Variants in GNL3L observed in about 807,000 individuals in gnomAD.
GNL3L encodes G protein nucleolar 3 like.
A neutral mutation model predicts 42.9 loss-of-function variants in GNL3L; 4 were observed. The observed-to-expected ratio is 0.09, with a 90% CI of 0.05 to 0.21. The LOEUF (loss-of-function observed/expected upper bound fraction) is 0.21. Among genes scored for constraint, GNL3L ranks in the 10% least tolerant of loss-of-function variants. GNL3L has a pLI of 1.00. For missense variants in GNL3L, 412 were observed against 481.7 expected (o/e 0.86, Z 1.36); for synonymous variants, 159 against 176.3 (o/e 0.90, Z 0.78).
At chrX:54,545,426 G>A (rs1374163641) in intron 8 of GNL3L, among the ~76,000 whole-genome samples, 4 of 108,572 alleles carry the variant, frequency 3.7e-5, no homozygotes, top group African/African-American at 1.3e-4. Context: ...GGCTGGTCTC[G>A]AACTCCTGAC....
At chrX:54,589,272 ATAGT>A (rs1239119868) in intron 16 of GNL3L, among the ~76,000 whole-genome samples, 8 of 111,644 alleles carry the variant, frequency 7.2e-5, no homozygotes, top group Middle Eastern at 9.3e-3. Flanking sequence ...CACCCTATAA[ATAGT>A]TAGATGGAAA....
At chrX:54,577,124 C>G (rs1018619249) in intron 16 of GNL3L, among the ~76,000 whole-genome samples, 1 of 112,104 alleles carries the variant, frequency 8.9e-6, no homozygotes, top group African/African-American at 3.2e-5. Context: ...TTTGACTATT[C>G]TAGGAATCAC....
intron 16 of GNL3L, among the ~76,000 whole-genome samples, chrX:54,588,169 T>G (rs1376653185): frequency 8.9e-6 from 1 of 112,164 alleles, no homozygotes; most frequent in Non-Finnish European, 1.9e-5. Context: ...TGGACAGCTT[T>G]ATGTCTTCCT....
In GNL3L at chrX:54,551,629, C is replaced by T. The variant is rs752005644; in HGVS notation, c.925C>T (p.Pro309Ser). The change falls in exon 11 of 16, where the codon CCA becomes TCA. Residue 309 changes from proline (P) to serine (S), a missense_variant. Pro to Ser is a moderately conservative substitution (Grantham distance 74). Coordinates refer to ENST00000360845, the MANE Select transcript of GNL3L (RefSeq NM_001184819.2). ...GCTCTTGGATGCTCCAGGCATTGTC[C>T]CAGGGCCCAACTCAGAGGTGGGCAC... ...IRLLDAPGIV[P>S]GPNSEVGTIL... 3 of 1,210,140 alleles carry T rather than the reference C, an allele frequency of 2.5e-6. No individual in the cohort carries two copies. Among genetic ancestry groups the T allele is most frequent in the Admixed American group, 2.2e-5 (1 of 46,021 alleles).
chrX:54,570,915 A>G (rs1246396887), downstream of GNL3L, among the ~76,000 whole-genome samples: 3 of 111,326 alleles, frequency 2.7e-5, no homozygotes, highest in Non-Finnish European at 5.7e-5. Context: ...CATAGTTACC[A>G]TTTCTGGTAT....
chrX:54,591,628 G>A (rs1166851988), intron 16 of GNL3L, among the ~76,000 whole-genome samples: 2 of 109,328 alleles, frequency 1.8e-5, no homozygotes, highest in Non-Finnish European at 1.9e-5. Flanking sequence ...CACTGTAGGT[G>A]TGTAGATTTG....
At chrX:54,637,558 T>C in the GNL3L span, among the ~76,000 whole-genome samples, 8,118 of 112,092 alleles carry the variant, frequency 0.072, 740 homozygotes, top group African/African-American at 0.25. Flanking sequence ...GTCTGTCATC[T>C]TGTGCAAGGG....
At chrX:54,568,547 T>G (rs1925496516), downstream of GNL3L, among the ~76,000 whole-genome samples, 1 of 109,918 alleles carries the variant, frequency 9.1e-6, no homozygotes, top group African/African-American at 3.3e-5. Context: ...AATAACTATG[T>G]AGTATCTTTT....
At chrX:54,643,882 T>A in the GNL3L span, among the ~76,000 whole-genome samples, 1 of 112,051 alleles carries the variant, frequency 8.9e-6, no homozygotes, top group South Asian at 3.7e-4. Flanking sequence ...ATATTTGTTT[T>A]TCTGTGCCTG....
intron 16 of GNL3L, among the ~76,000 whole-genome samples, chrX:54,591,262 TC>T (rs1165007378): frequency 9.0e-6 from 1 of 110,737 alleles, no homozygotes; most frequent in African/African-American, 3.3e-5. Flanking sequence ...GAGACTGTCT[TC>T]CCCCCAGTGT....
At chrX:54,634,895 G>T in the GNL3L span, among the ~76,000 whole-genome samples, 41 of 104,110 alleles carry the variant, frequency 3.9e-4, 1 homozygote, top group South Asian at 0.019. Flanking sequence ...GGGTTCAAGC[G>T]ATTCTCCTGC....
the GNL3L span, among the ~76,000 whole-genome samples, chrX:54,627,228 C>T: frequency 2.7e-5 from 3 of 111,384 alleles, no homozygotes; most frequent in Admixed American, 9.6e-5. Flanking sequence ...AGGCTGGTCT[C>T]GAACTCCTGA....
intron 2 of GNL3L, 48 bp from the exon 3 acceptor site, chrX:54,538,992 T>C (rs913493446): frequency 2.6e-6 from 2 of 766,609 alleles, no homozygotes; most frequent in Admixed American, 3.1e-5. Context: ...TCAACAAATA[T>C]CGTGTAGATG....
intron 16 of GNL3L, among the ~76,000 whole-genome samples, chrX:54,596,978 C>T (rs1437035775): frequency 9.0e-6 from 1 of 111,395 alleles, no homozygotes; most frequent in East Asian, 2.8e-4. Context: ...CCAGAAATGC[C>T]GTCCAAGAGT....
downstream of GNL3L, among the ~76,000 whole-genome samples, chrX:54,625,089 G>A (rs983514921): frequency 9.0e-6 from 1 of 110,512 alleles, no homozygotes; most frequent in Admixed American, 9.7e-5. Flanking sequence ...ATTTTGGGGG[G>A]ACAAAATTGA....
chrX:54,582,740 G>A (rs188986196), intron 16 of GNL3L, among the ~76,000 whole-genome samples: 139 of 111,494 alleles, frequency 1.2e-3, no homozygotes, highest in Non-Finnish European at 1.9e-3. Flanking sequence ...GTGCCACCAC[G>A]CCCAGCTAAT....
chrX:54,629,440 G>T, the GNL3L span, among the ~76,000 whole-genome samples: 2 of 111,457 alleles, frequency 1.8e-5, no homozygotes, highest in Non-Finnish European at 3.8e-5. Context: ...TATGTCCCTT[G>T]TATGCCGATT....
chrX:54,576,080 C>T (rs1193093529), intron 16 of GNL3L, among the ~76,000 whole-genome samples: 1 of 112,115 alleles, frequency 8.9e-6, no homozygotes, highest in East Asian at 2.8e-4. Flanking sequence ...TGTATCTTTG[C>T]TGGTATTTCT....
intron 13 of GNL3L, among the ~76,000 whole-genome samples, 186 bp from the exon 14 acceptor site, chrX:54,554,379 G>A (rs1925024227): frequency 8.9e-6 from 1 of 111,742 alleles, no homozygotes; most frequent in African/African-American, 3.3e-5. Flanking sequence ...CTCCCAGCAA[G>A]TGAATGTCCT....
Sources: gnomAD v4.1 joint callset for allele counts (sites outside exome capture counted in the v4.1 genomes callset) on GRCh38, gnomAD v4.1.1 for gene constraint, MANE v1.5 for transcripts, NCBI Gene and HGNC (gene_info 2026-07-23, HGNC 2026-07-21) for gene names.